TBC1D5: variants seen among roughly 807,000 people sequenced by gnomAD.
TBC1D5 encodes the protein TBC1 domain family, member 5.
Under a neutral mutation model 100.3 loss-of-function variants are expected in TBC1D5, and 75 were observed. The observed-to-expected ratio is 0.75, with a 90% CI of 0.62 to 0.91. The LOEUF (loss-of-function observed/expected upper bound fraction) is 0.91. Among genes scored for constraint, TBC1D5 ranks in the 40% least tolerant of loss-of-function variants. TBC1D5 has a pLI of 0.00. For missense variants in TBC1D5, 910 were observed against 942.4 expected, an observed-to-expected ratio of 0.97 and a Z score of 0.45; for synonymous variants, 323 against 325.6, an observed-to-expected ratio of 0.99 and a Z score of 0.09.
chr3:17,522,711 C>G lies in TBC1D5; in HGVS notation c.-35-14106G>C, dbSNP rs1261088300. ...GGAATTTTACTAGCAAAAATATACACCTCCTTTTCCAATGTATACAATTAG... is the reference window on the plus strand; with the variant it reads ...GGAATTTTACTAGCAAAAATATACAGCTCCTTTTCCAATGTATACAATTAG... On this transcript the variant is annotated intron_variant, in intron 2 of 21. Coordinates refer to ENST00000253692, the Ensembl canonical transcript of TBC1D5. 2.0e-5 allele frequency among the ~76,000 whole-genome samples: 3 copies of G among 152,220 alleles called. No homozygotes were observed. In the South Asian group the frequency reaches 6.2e-4, roughly 32 times the overall value.
intron 4 of TBC1D5, among the ~76,000 whole-genome samples, chr3:17,415,385 C>A (rs189077489): frequency 7.2e-5 from 11 of 152,142 alleles, no homozygotes; most frequent in Admixed American, 5.9e-4. Flanking sequence ...TGGTCTCGAT[C>A]TCCTGACCTC....
intron 3 of TBC1D5, among the ~76,000 whole-genome samples, chr3:17,447,891 A>G (rs924313000): frequency 7.2e-5 from 11 of 152,280 alleles, no homozygotes; most frequent in African/African-American, 2.6e-4. Context: ...CTTCTAAAAT[A>G]TGTTTATTGG....
chr3:17,291,911 A>G lies in TBC1D5; in HGVS notation c.1229T>C (p.Phe410Ser). The change falls in exon 15 of 22, where the codon TTC becomes TCC. Residue 410 changes from phenylalanine (F) to serine (S), a missense_variant. Physicochemically the swap from Phe to Ser is radical, Grantham distance 155. Transcript: ENST00000253692. Reference sequence around the variant, plus strand: ...GAAGCTTACCTTTGGATCTCTAAGGAACAGAGCCTTAAGAATCAGTGAGTG... The same window carrying G: ...GAAGCTTACCTTTGGATCTCTAAGGGACAGAGCCTTAAGAATCAGTGAGTG... The G allele has an allele frequency of 6.2e-7, 1 of 1,613,788 alleles. No homozygotes were observed. The highest frequency in any genetic ancestry group is 8.5e-7 in the Non-Finnish European group (1 of 1,179,768).
At chr3:17,651,570 G>A (rs999216364) in intron 1 of TBC1D5, among the ~76,000 whole-genome samples, 1 of 152,092 alleles carries the variant, frequency 6.6e-6, no homozygotes, top group African/African-American at 2.4e-5. Flanking sequence ...ACTTCGTCGG[G>A]CATGCGCCTG....
chr3:17,605,144 G>A (rs73165774), intron 2 of TBC1D5, among the ~76,000 whole-genome samples: 7,919 of 152,184 alleles, frequency 0.052, 632 homozygotes, highest in African/African-American at 0.17. Flanking sequence ...TTTCCTAACA[G>A]ACAAGCCTTC....
At chr3:17,515,211 C>G (rs2095968508) in intron 2 of TBC1D5, among the ~76,000 whole-genome samples, 1 of 152,128 alleles carries the variant, frequency 6.6e-6, no homozygotes, top group Non-Finnish European at 1.5e-5. Flanking sequence ...GAACAAAAAT[C>G]TCTCCTTGGT....
At chr3:17,236,546 C>T (rs2075869483) in intron 17 of TBC1D5, among the ~76,000 whole-genome samples, 1 of 150,420 alleles carries the variant, frequency 6.6e-6, no homozygotes. Context: ...AGTGCAGTGG[C>T]ACGATCTTGG....
intron 16 of TBC1D5, among the ~76,000 whole-genome samples, chr3:17,246,734 T>C (rs900839736): frequency 2.0e-5 from 3 of 152,192 alleles, no homozygotes; most frequent in African/African-American, 4.8e-5. Flanking sequence ...CACACAAAAA[T>C]TACTTTGAGG....
chr3:17,406,562 G>A (rs2093775731), intron 4 of TBC1D5, 36 bp from the exon 5 acceptor site: 1 of 1,571,094 alleles, frequency 6.4e-7, no homozygotes, highest in Non-Finnish European at 8.7e-7. Context: ...GAATCCTTTT[G>A]TTAAAATTCC....
chr3:17,420,385 T>A (rs2094180034), intron 4 of TBC1D5, among the ~76,000 whole-genome samples: 3 of 152,164 alleles, frequency 2.0e-5, no homozygotes, highest in Admixed American at 6.5e-5. Flanking sequence ...TTAAATATCC[T>A]GTAGAAATTT....
chr3:17,162,071 G>A (rs2066114701), intron 21 of TBC1D5, among the ~76,000 whole-genome samples: 2 of 152,116 alleles, frequency 1.3e-5, no homozygotes, highest in South Asian at 2.1e-4. Context: ...AAAGGTTTTC[G>A]GTTAGCAAAG....
chr3:17,409,284 A>G (rs979618757), intron 4 of TBC1D5, among the ~76,000 whole-genome samples: 1 of 152,106 alleles, frequency 6.6e-6, no homozygotes, highest in Non-Finnish European at 1.5e-5. Flanking sequence ...TGATGTTACT[A>G]TTGTAACTGT....
chr3:17,738,243 T>C (rs1283068426), intron 1 of TBC1D5, among the ~76,000 whole-genome samples: 1 of 152,230 alleles, frequency 6.6e-6, no homozygotes, highest in Non-Finnish European at 1.5e-5. Flanking sequence ...CATAGAGCCT[T>C]ATCCCAAATA....
chr3:17,273,042 C>T (rs2079592446), intron 15 of TBC1D5, among the ~76,000 whole-genome samples: 1 of 152,020 alleles, frequency 6.6e-6, no homozygotes, highest in Admixed American at 6.6e-5. Flanking sequence ...TTTTTTATGT[C>T]ACTGTTTCAT....
chr3:17,601,126 A>C (rs1339356307), intron 2 of TBC1D5, among the ~76,000 whole-genome samples: 1 of 152,222 alleles, frequency 6.6e-6, no homozygotes, highest in African/African-American at 2.4e-5. Flanking sequence ...CTATTCTAAA[A>C]CTGTTGCTGC....
intron 1 of TBC1D5, among the ~76,000 whole-genome samples, chr3:17,727,943 A>G (rs1577845069): frequency 6.6e-6 from 1 of 152,234 alleles, no homozygotes; most frequent in African/African-American, 2.4e-5. Flanking sequence ...AGTAATATAC[A>G]ATAAATGTTC....
chr3:17,562,233 A>G (rs1015683414), intron 2 of TBC1D5: 2 of 151,786 alleles, frequency 1.3e-5, no homozygotes, highest in Non-Finnish European at 2.9e-5. Context: ...CATTAGGGTG[A>G]AAAAAAACCC....
chr3:17,645,856 C>T (rs2064970361), intron 1 of TBC1D5, among the ~76,000 whole-genome samples: 1 of 152,068 alleles, frequency 6.6e-6, no homozygotes, highest in Admixed American at 6.6e-5. Context: ...GTAGCACCAG[C>T]ATTCTCTCAG....
At chr3:17,702,224 T>C (rs1247042948) in intron 1 of TBC1D5, 1 of 152,186 alleles carries the variant, frequency 6.6e-6, no homozygotes, top group Admixed American at 6.5e-5. Context: ...CAGATTCTTT[T>C]ACTTTTAAAT....
Sources: allele counts gnomAD v4.1 joint callset (sites outside exome capture counted in the v4.1 genomes callset), GRCh38; gene constraint gnomAD v4.1.1; transcripts MANE v1.5; gene names NCBI Gene and HGNC (gene_info 2026-07-23, HGNC 2026-07-21).